The following MB21D2 variants were observed in gnomAD, a reference collection of about 807,000 sequenced individuals.
The protein encoded by MB21D2 is nucleotidyltransferase MB21D2.
A neutral mutation model predicts 33.3 loss-of-function variants in MB21D2; 9 were observed. That is an observed-to-expected ratio of 0.27 (90% CI 0.16 to 0.47). The LOEUF is 0.47. Ranked by LOEUF, MB21D2 falls within the 20% of genes least tolerant of loss-of-function variation. The pLI is 0.99. For synonymous variants in MB21D2, 241 were observed against 236.3 expected, an observed-to-expected ratio of 1.02 and a Z score of -0.18; for missense variants, 540 against 624.6, an observed-to-expected ratio of 0.86 and a Z score of 1.44.
intron 1 of MB21D2, among the ~76,000 whole-genome samples, chr3:192,913,965 T>C (rs1037990244): frequency 1.3e-5 from 2 of 152,250 alleles, no homozygotes; most frequent in African/African-American, 4.8e-5. Flanking sequence ...GATCTTATTA[T>C]AGAATACTTG....
At chr3:192,869,390 T>A (rs921711530) in intron 1 of MB21D2, among the ~76,000 whole-genome samples, 1 of 151,300 alleles carries the variant, frequency 6.6e-6, no homozygotes, top group African/African-American at 2.4e-5. Flanking sequence ...AGAAGTGGAA[T>A]AATGTGATAG....
intron 1 of MB21D2, among the ~76,000 whole-genome samples, chr3:192,844,525 A>C (rs1282793278): frequency 6.6e-6 from 1 of 152,124 alleles, no homozygotes; most frequent in Non-Finnish European, 1.5e-5. Flanking sequence ...AGCAGATGCA[A>C]AAGCTTAAAA....
At chr3:192,801,658 G>A (rs1711566641) in intron 1 of MB21D2, among the ~76,000 whole-genome samples, 1 of 152,178 alleles carries the variant, frequency 6.6e-6, no homozygotes, top group African/African-American at 2.4e-5. Context: ...GAACCAGGAA[G>A]CTGTCCCTCA....
At chr3:192,858,157 G>GT (rs1712959990) in intron 1 of MB21D2, among the ~76,000 whole-genome samples, 1 of 151,980 alleles carries the variant, frequency 6.6e-6, no homozygotes, top group Non-Finnish European at 1.5e-5. Flanking sequence ...AAACAAAAAA[G>GT]TGGCCTTGGA....
chr3:192,905,815 A>G (rs1031936883), intron 1 of MB21D2, among the ~76,000 whole-genome samples: 2 of 152,010 alleles, frequency 1.3e-5, no homozygotes, highest in African/African-American at 4.8e-5. Flanking sequence ...CCTGGGTGAC[A>G]GAGCACGCCC....
chr3:192,827,138 C>T (rs1399569720), intron 1 of MB21D2, among the ~76,000 whole-genome samples: 2 of 152,100 alleles, frequency 1.3e-5, no homozygotes, highest in Non-Finnish European at 2.9e-5. Flanking sequence ...CCTCGTGATC[C>T]ACCCGCCTCG....
chr3:192,908,599 T>C (rs1000633342), intron 1 of MB21D2, among the ~76,000 whole-genome samples: 6 of 151,628 alleles, frequency 4.0e-5, no homozygotes, highest in Admixed American at 3.9e-4. Flanking sequence ...ATTTTTTTTT[T>C]AGTAGAGACG....
chr3:192,882,193 T>C (rs1713610677), intron 1 of MB21D2, among the ~76,000 whole-genome samples: 1 of 152,054 alleles, frequency 6.6e-6, no homozygotes. Flanking sequence ...TGGCACAATC[T>C]TGGCTCACTG....
At chr3:192,858,127 A>AAAAAC (rs1712959258) in intron 1 of MB21D2, among the ~76,000 whole-genome samples, 2 of 152,286 alleles carry the variant, frequency 1.3e-5, no homozygotes, top group Admixed American at 1.3e-4. Flanking sequence ...CTCTGTCTCA[A>AAAAAC]AAAACAAAAC....
chr3:192,840,807 T>G (rs963840636), intron 1 of MB21D2, among the ~76,000 whole-genome samples: 10 of 152,216 alleles, frequency 6.6e-5, no homozygotes, highest in Admixed American at 5.9e-4. Flanking sequence ...TTAAGACAAC[T>G]TCTTGGAAAC....
intron 1 of MB21D2, among the ~76,000 whole-genome samples, chr3:192,836,447 C>A (rs946622279): frequency 6.6e-6 from 1 of 152,180 alleles, no homozygotes; most frequent in Non-Finnish European, 1.5e-5. Flanking sequence ...TTTGGAAATA[C>A]AGCCTTTAAA....
intron 1 of MB21D2, among the ~76,000 whole-genome samples, chr3:192,870,508 G>A (rs1018782851): frequency 1.3e-5 from 2 of 151,778 alleles, no homozygotes; most frequent in African/African-American, 2.4e-5. Flanking sequence ...CTGGAAACAT[G>A]GTGAAACCCC....
At chr3:192,882,593 A>G (rs1486871302) in intron 1 of MB21D2, among the ~76,000 whole-genome samples, 1 of 152,058 alleles carries the variant, frequency 6.6e-6, no homozygotes, top group African/African-American at 2.4e-5. Context: ...CTGACTGTTT[A>G]CCATTGGTTA....
At chr3:192,807,962 T>A (rs1008039384) in intron 1 of MB21D2, among the ~76,000 whole-genome samples, 2 of 149,158 alleles carry the variant, frequency 1.3e-5, no homozygotes, top group Non-Finnish European at 3.0e-5. Flanking sequence ...CAAGGGTGAG[T>A]GGGGCGGGAG....
intron 1 of MB21D2, among the ~76,000 whole-genome samples, chr3:192,800,526 T>A (rs1711541366): frequency 6.6e-6 from 1 of 151,708 alleles, no homozygotes; most frequent in Non-Finnish European, 1.5e-5. Context: ...GCATTAGCAA[T>A]TTTTTTTTAA....
intron 1 of MB21D2, among the ~76,000 whole-genome samples, chr3:192,852,016 C>T (rs1712816855): frequency 6.6e-6 from 1 of 152,182 alleles, no homozygotes; most frequent in Non-Finnish European, 1.5e-5. Context: ...GATTGGCAAA[C>T]TTGGGCAAAG....
chr3:192,819,883 C>T (rs978419137), intron 1 of MB21D2, among the ~76,000 whole-genome samples: 1 of 152,162 alleles, frequency 6.6e-6, no homozygotes, highest in African/African-American at 2.4e-5. Flanking sequence ...GAGAGCAGGC[C>T]CTGCAGCTCC....
At chr3:192,843,970 C>T (rs1712626387) in intron 1 of MB21D2, among the ~76,000 whole-genome samples, 1 of 152,142 alleles carries the variant, frequency 6.6e-6, no homozygotes, top group African/African-American at 2.4e-5. Context: ...GAGCACCTGT[C>T]CTCCCAGCCC....
intron 1 of MB21D2, among the ~76,000 whole-genome samples, chr3:192,897,813 G>A (rs1393824187): frequency 6.6e-6 from 1 of 152,098 alleles, no homozygotes; most frequent in Non-Finnish European, 1.5e-5. Context: ...CTAACATGGT[G>A]AAACTCCATC....
Sources: allele counts gnomAD v4.1 joint callset (sites outside exome capture counted in the v4.1 genomes callset), GRCh38; gene constraint gnomAD v4.1.1; transcripts MANE v1.5; gene names NCBI Gene and HGNC (gene_info 2026-07-23, HGNC 2026-07-21).